Variants in GPBP1L1 observed in about 807,000 individuals in gnomAD.
The protein encoded by GPBP1L1 is GC-rich promoter binding protein 1 like 1, also known as vasculin-like protein 1.
GPBP1L1 carries 23 observed loss-of-function variants against 52.5 expected under a neutral mutation model. That is an observed-to-expected ratio of 0.44 (90% CI 0.32 to 0.62). The LOEUF (loss-of-function observed/expected upper bound fraction) is 0.62. Among genes scored for constraint, GPBP1L1 ranks in the 20% least tolerant of loss-of-function variants. GPBP1L1 has a pLI of 0.06. For missense variants in GPBP1L1, 596 were observed against 579.3 expected, an observed-to-expected ratio of 1.03 and a Z score of -0.30; for synonymous variants, 243 against 203.1, an observed-to-expected ratio of 1.20 and a Z score of -1.67.
chr1:45,661,307 A>C (rs1335892900), intron 2 of GPBP1L1, 82 bp from the exon 3 acceptor site: 1 of 152,240 alleles, frequency 6.6e-6, no homozygotes, highest in Non-Finnish European at 1.5e-5. Context: ...AATGAGACAC[A>C]GTTAAATAAT....
intron 6 of GPBP1L1, among the ~76,000 whole-genome samples, chr1:45,642,805 A>G (rs1644691110): frequency 6.6e-6 from 1 of 152,244 alleles, no homozygotes; most frequent in Admixed American, 6.5e-5. Context: ...TGTATGCCAA[A>G]TAAGGAGGCA....
At chr1:45,671,702 T>C (rs1386679000) in intron 2 of GPBP1L1, among the ~76,000 whole-genome samples, 1 of 152,096 alleles carries the variant, frequency 6.6e-6, no homozygotes, top group Non-Finnish European at 1.5e-5. Context: ...CTTGCACCTG[T>C]AGTCCCAACT....
intron 2 of GPBP1L1, among the ~76,000 whole-genome samples, chr1:45,685,172 T>C (rs1396647175): frequency 6.6e-6 from 1 of 152,172 alleles, no homozygotes; most frequent in Non-Finnish European, 1.5e-5. Context: ...CTTACACTAT[T>C]CTAGTAAATA....
intron 8 of GPBP1L1, among the ~76,000 whole-genome samples, chr1:45,639,333 G>A (rs1318752894): frequency 6.6e-6 from 1 of 152,142 alleles, no homozygotes; most frequent in Admixed American, 6.5e-5. Flanking sequence ...GAATAACAGG[G>A]ACTTTGTAAT....
intron 2 of GPBP1L1, among the ~76,000 whole-genome samples, chr1:45,672,100 T>G (rs1171984198): frequency 6.6e-6 from 1 of 152,130 alleles, no homozygotes; most frequent in Non-Finnish European, 1.5e-5. Context: ...CGGTGGCTCA[T>G]GCCTGTAATC....
chr1:45,641,925 T>A (rs1644679933), intron 7 of GPBP1L1: 1 of 152,660 alleles, frequency 6.6e-6, no homozygotes, highest in African/African-American at 2.4e-5. Flanking sequence ...GGCTCATGCC[T>A]GTAATCCCAG....
intron 2 of GPBP1L1, among the ~76,000 whole-genome samples, chr1:45,679,961 T>TG (rs1303346217): frequency 2.1e-5 from 1 of 48,450 alleles, no homozygotes; most frequent in East Asian, 6.2e-4. Context: ...GGGCGGGGGG[T>TG]GGGGGCCCAG....
chr1:45,672,740 G>A (rs771303667), intron 2 of GPBP1L1, among the ~76,000 whole-genome samples: 6 of 152,066 alleles, frequency 3.9e-5, no homozygotes, highest in Non-Finnish European at 5.9e-5. Flanking sequence ...GGAGACTGAG[G>A]AAAAAAACCA....
rs879757289 is a variant in GPBP1L1, at chr1:45,654,777, G to T, written c.243C>A (p.Val81=). The T allele has an allele frequency of 5.0e-6, 8 of 1,614,018 alleles. No individual in the cohort carries two copies. Among genetic ancestry groups the T allele is most frequent in the Non-Finnish European group, 6.8e-6 (8 of 1,180,030 alleles). The change falls in exon 6 of 13, where the codon GTC becomes GTA. Residue 81 remains valine, a synonymous_variant. Coordinates refer to ENST00000355105, the MANE Select transcript of GPBP1L1 (RefSeq NM_021639.5). ...LFRHDSVDSG[V]SKGAYAGITG... Reference sequence around the variant, plus strand: ...TGATTCCAGCATATGCTCCCTTAGAGACACCAGAGTCCACAGAATCATGGC... The same window carrying T: ...TGATTCCAGCATATGCTCCCTTAGATACACCAGAGTCCACAGAATCATGGC...
chr1:45,662,292 C>T (rs989442980), intron 2 of GPBP1L1, among the ~76,000 whole-genome samples: 1 of 152,084 alleles, frequency 6.6e-6, no homozygotes, highest in African/African-American at 2.4e-5. Flanking sequence ...CAGATATGCA[C>T]CATCATGCCC....
chr1:45,686,783 ACCTCTGCCCCCTACAGAATTGAAT>A (rs1367742836), upstream of GPBP1L1: 1 of 151,928 alleles, frequency 6.6e-6, no homozygotes, highest in Non-Finnish European at 1.5e-5. Context: ...GCGCATGGTC[ACCTCTGCCCCCTACAGAATTGAAT>A]CCTCTGCCTT....
chr1:45,653,042 G>C (rs527634074), intron 6 of GPBP1L1, among the ~76,000 whole-genome samples: 30 of 152,282 alleles, frequency 2.0e-4, no homozygotes, highest in Non-Finnish European at 2.1e-4. Flanking sequence ...GGGCAGTATA[G>C]ACCTTCCTGA....
chr1:45,646,548 A>G (rs1448146998), intron 6 of GPBP1L1, among the ~76,000 whole-genome samples: 3 of 151,652 alleles, frequency 2.0e-5, no homozygotes. Flanking sequence ...TTCCTGAATT[A>G]TACTTTTCAG....
At chr1:45,667,902 C>T (rs1174544351) in intron 2 of GPBP1L1, among the ~76,000 whole-genome samples, 1 of 152,064 alleles carries the variant, frequency 6.6e-6, no homozygotes, top group Non-Finnish European at 1.5e-5. Flanking sequence ...CATGTGTGAC[C>T]TGTATTTTGT....
chr1:45,639,810 G>A (rs1644647219), intron 8 of GPBP1L1, among the ~76,000 whole-genome samples: 1 of 152,040 alleles, frequency 6.6e-6, no homozygotes, highest in South Asian at 2.1e-4. Context: ...CCCAGGAGGT[G>A]GAGCTTGCAG....
chr1:45,667,378 A>C (rs930981581), intron 2 of GPBP1L1, among the ~76,000 whole-genome samples: 8 of 152,174 alleles, frequency 5.3e-5, no homozygotes, highest in African/African-American at 1.4e-4. Flanking sequence ...CAAATATTTT[A>C]TCTCTTCAAA....
intron 2 of GPBP1L1, among the ~76,000 whole-genome samples, chr1:45,680,557 T>TA (rs1557724769): frequency 5.9e-5 from 9 of 151,710 alleles, no homozygotes; most frequent in East Asian, 3.9e-4. Context: ...CTTTTTTTTT[T>TA]TAAAAAGAAT....
At position 45,640,332 on chromosome 1, in the gene GPBP1L1, C is replaced by G. The variant is rs759430573; in HGVS notation, c.622G>C (p.Ala208Pro). 3 of 1,614,114 alleles carry G rather than the reference C, an allele frequency of 1.9e-6. No homozygotes were observed. Among genetic ancestry groups the G allele is most frequent in the Non-Finnish European group, 8.5e-7 (1 of 1,179,968 alleles). ...GAGGTGAATGCAGCAGAGAAGGCAG[C>G]AGCAGGATCCTCTTTGGAAACTTTT... ...IKKVSKEDPA[A>P]AFSAAFTSPG... The change falls in exon 8 of 13, where the codon GCT becomes CCT. Residue 208 changes from alanine to proline, a missense_variant. Transcript: ENST00000355105.
chr1:45,655,128 C>G, intron 5 of GPBP1L1, 62 bp downstream of exon 5: 1 of 1,597,990 alleles, frequency 6.3e-7, no homozygotes, highest in South Asian at 1.1e-5. Context: ...CATGTACCCA[C>G]AGCCTGGGCT....
Sources: gnomAD v4.1 joint callset for allele counts (sites outside exome capture counted in the v4.1 genomes callset) on GRCh38, gnomAD v4.1.1 for gene constraint, MANE v1.5 for transcripts, NCBI Gene and HGNC (gene_info 2026-07-23, HGNC 2026-07-21) for gene names.